Variants in ANK3 observed in about 807,000 individuals in gnomAD.
ANK3 encodes ankyrin-3.
A neutral mutation model predicts 370.9 loss-of-function variants in ANK3; 57 were observed. The ratio of observed to expected loss-of-function variants is 0.15; its 90% CI spans 0.12 to 0.19. The LOEUF (loss-of-function observed/expected upper bound fraction) is 0.19. Ranked by LOEUF, ANK3 falls within the 10% of genes least tolerant of loss-of-function variation. ANK3 has a pLI of 1.00. For synonymous variants in ANK3, 1,929 were observed against 1,946.3 expected, an observed-to-expected ratio of 0.99 and a Z score of 0.23; for missense variants, 4,439 against 5,302.1, an observed-to-expected ratio of 0.84 and a Z score of 5.06.
intron 1 of ANK3, among the ~76,000 whole-genome samples, chr10:60,344,395 C>A (rs1594180091): frequency 6.6e-6 from 1 of 152,034 alleles, no homozygotes; most frequent in South Asian, 2.1e-4. Flanking sequence ...GTTACTAATC[C>A]AGATTATCCC....
At chr10:60,427,266 T>G (rs773696977) in intron 2 of ANK3, among the ~76,000 whole-genome samples, 35 of 151,844 alleles carry the variant, frequency 2.3e-4, no homozygotes, top group Admixed American at 5.9e-4. Flanking sequence ...GATTAACTAG[T>G]GAAAGGTACT....
chr10:60,395,549 CCTCTTTCTTTCTTTCTTTCTTTCT>C (rs1251613021), intron 2 of ANK3, among the ~76,000 whole-genome samples: 7 of 119,004 alleles, frequency 5.9e-5, no homozygotes, highest in South Asian at 3.0e-4. Flanking sequence ...AACTACTATG[CCTCTTTCTTTCTTTCTTTCTTTCT>C]TTCTTTCTTT....
intron 18 of ANK3, among the ~76,000 whole-genome samples, chr10:60,180,589 C>T (rs61845855): frequency 0.3 from 28,730 of 95,286 alleles, 4,065 homozygotes; most frequent in African/African-American, 0.38. Context: ...AGTGAGACTC[C>T]GTCTCAAAAA....
intron 1 of ANK3, among the ~76,000 whole-genome samples, chr10:60,624,274 G>A (rs951750650): frequency 2.0e-5 from 3 of 152,112 alleles, no homozygotes; most frequent in Non-Finnish European, 4.4e-5. Context: ...TAATGGGGAT[G>A]TAGGTGATAT....
intron 25 of ANK3, 125 bp from the exon 26 acceptor site, chr10:60,114,456 T>C: frequency 2.2e-6 from 1 of 454,744 alleles, no homozygotes; most frequent in South Asian, 4.3e-5. Flanking sequence ...TAAATAATTT[T>C]TAAATTCTCC....
At chr10:60,553,631 G>C (rs1355268952) in intron 2 of ANK3, among the ~76,000 whole-genome samples, 1 of 152,102 alleles carries the variant, frequency 6.6e-6, no homozygotes, top group Non-Finnish European at 1.5e-5. Context: ...AATGCAGCCA[G>C]TGCTCATTAA....
chr10:60,395,307 T>G (rs187837538), intron 2 of ANK3, among the ~76,000 whole-genome samples: 17 of 152,350 alleles, frequency 1.1e-4, no homozygotes, highest in Admixed American at 3.3e-4. Flanking sequence ...ATTTGGGATG[T>G]GTTCAGTTAA....
intron 1 of ANK3, among the ~76,000 whole-genome samples, chr10:60,330,685 A>G (rs1276913533): frequency 6.6e-6 from 1 of 152,234 alleles, no homozygotes; most frequent in Non-Finnish European, 1.5e-5. Flanking sequence ...AAATTAGTTC[A>G]ACCATTGTGG....
rs1053271709 is a variant in ANK3 at position 60,278,849 on chromosome 10, G to A, written c.339C>T (p.Ile113=). 5 of 1,613,896 alleles carry A rather than the reference G, an allele frequency of 3.1e-6. No homozygotes were observed. Among genetic ancestry groups the A allele is most frequent in the African/African-American group, 2.7e-5 (2 of 75,020 alleles). ...CCTCTGCTTGCCCAGCCAAAGATGC[G>A]ATGTGCAATGCTGTGTTTCCTTTCT... ...ATKKGNTALH[I]ASLAGQAEVV... Residue 113 remains isoleucine, a synonymous_variant, in exon 4 of 44, where the codon ATC becomes ATT. Coordinates refer to ENST00000280772, the MANE Select transcript of ANK3 (RefSeq NM_020987.5).
chr10:60,610,035 A>T (rs2133316267), intron 2 of ANK3, among the ~76,000 whole-genome samples: 1 of 152,252 alleles, frequency 6.6e-6, no homozygotes, highest in African/African-American at 2.4e-5. Context: ...AATATTCACC[A>T]CCAAAATGAT....
chr10:60,719,198 C>T (rs1352487960), intron 1 of ANK3, among the ~76,000 whole-genome samples: 2 of 152,178 alleles, frequency 1.3e-5, no homozygotes, highest in African/African-American at 4.8e-5. Flanking sequence ...TTTAAATTAT[C>T]ACTTTCCATA....
chr10:60,303,876 ATGTGTGTGTGTGTG>A (rs71015783), intron 1 of ANK3, among the ~76,000 whole-genome samples: 2 of 147,448 alleles, frequency 1.4e-5, no homozygotes, highest in East Asian at 2.0e-4. Context: ...TGGTGTATAT[ATGTGTGTGTGTGTG>A]TGTGTGTGTG....
chr10:60,481,847 C>T (rs16915042), intron 2 of ANK3, among the ~76,000 whole-genome samples: 1 of 152,190 alleles, frequency 6.6e-6, no homozygotes, highest in African/African-American at 2.4e-5. Context: ...AGCACAGACA[C>T]CTAAACATTC....
At chr10:60,469,382 T>TAC in intron 2 of ANK3, among the ~76,000 whole-genome samples, 1 of 142,024 alleles carries the variant, frequency 7.0e-6, no homozygotes, top group Non-Finnish European at 1.5e-5. Flanking sequence ...TATATATATA[T>TAC]ATACCACTTT....
intron 2 of ANK3, among the ~76,000 whole-genome samples, chr10:60,567,274 G>C (rs2077486240): frequency 6.6e-6 from 1 of 152,104 alleles, no homozygotes; most frequent in African/African-American, 2.4e-5. Context: ...TGCTAATGTA[G>C]CTAGTGACAT....
intron 1 of ANK3, among the ~76,000 whole-genome samples, chr10:60,357,482 T>C (rs1039899033): frequency 6.6e-6 from 1 of 152,178 alleles, no homozygotes; most frequent in Non-Finnish European, 1.5e-5. Flanking sequence ...ACCTCCTCTG[T>C]AATCACTTCC....
chr10:60,124,465 G>A (rs1396025932), intron 25 of ANK3, among the ~76,000 whole-genome samples: 3 of 152,130 alleles, frequency 2.0e-5, no homozygotes, highest in Non-Finnish European at 2.9e-5. Context: ...ATGAGCCACT[G>A]TGCCCAGCCT....
intron 2 of ANK3, among the ~76,000 whole-genome samples, chr10:60,422,261 A>T (rs1425750225): frequency 3.3e-5 from 5 of 152,142 alleles, no homozygotes; most frequent in Non-Finnish European, 7.4e-5. Context: ...CAAGGAACAA[A>T]AATTCATTCA....
At chr10:60,688,670 C>A (rs1344237662) in intron 1 of ANK3, among the ~76,000 whole-genome samples, 1 of 152,254 alleles carries the variant, frequency 6.6e-6, no homozygotes, top group East Asian at 1.9e-4. Context: ...AAAATCAGGC[C>A]GGGTGCGGTG....
Sources: gnomAD v4.1 joint callset for allele counts (sites outside exome capture counted in the v4.1 genomes callset) on GRCh38, gnomAD v4.1.1 for gene constraint, MANE v1.5 for transcripts, NCBI Gene and HGNC (gene_info 2026-07-23, HGNC 2026-07-21) for gene names.